The following DCAF11 variants were observed in gnomAD, a reference collection of about 807,000 sequenced individuals.
The protein encoded by DCAF11 is DDB1 and CUL4 associated factor 11, also known as DDB1- and CUL4-associated factor 11.
A neutral mutation model predicts 76.1 loss-of-function variants in DCAF11; 44 were observed. The observed-to-expected ratio is 0.58, with a 90% confidence interval of 0.45 to 0.74. The LOEUF (loss-of-function observed/expected upper bound fraction) is 0.74. Among genes scored for constraint, DCAF11 ranks in the 30% least tolerant of loss-of-function variants. The pLI, the probability that DCAF11 is intolerant of heterozygous loss-of-function variation, is 0.00. For missense variants in DCAF11, 604 were observed against 709.4 expected, an observed-to-expected ratio of 0.85 and a Z score of 1.69; for synonymous variants, 258 against 255.0, an observed-to-expected ratio of 1.01 and a Z score of -0.11.
rs201970184 is a variant in DCAF11 at position 24,115,676 on chromosome 14, C to A, written c.82C>A (p.Arg28Ser). 6.2e-7 allele frequency: 1 copy of A among 1,613,556 alleles called. No homozygotes were observed. Among genetic ancestry groups the A allele is most frequent in the Non-Finnish European group, 8.5e-7 (1 of 1,179,944 alleles). ...CTTGCCCCGAAGAGGGGCTGGCCTG[C>A]GTCGGAGTGAGGAAGAGGAAGAAGA... Reference protein sequence around the residue: ...EGLPRRGAGLRRSEEEEEEDE... With the variant: ...EGLPRRGAGLSRSEEEEEEDE... The change falls in exon 2 of 15, where the codon CGT (arginine) becomes AGT (serine). Residue 28 changes from arginine to serine, a missense_variant. By Grantham distance (110) the Arg-to-Ser change is moderately radical (BLOSUM62 -1). Transcript: ENST00000446197.
intron 2 of DCAF11, 125 bp downstream of exon 2, chr14:24,115,874 G>A: frequency 1.6e-6 from 2 of 1,262,484 alleles, no homozygotes; most frequent in South Asian, 1.6e-5. Flanking sequence ...TGTTTGAGCT[G>A]AACAGCCTTT....
At chr14:24,118,936 G>C in intron 8 of DCAF11, 132 bp downstream of exon 8, 1 of 1,190,734 alleles carries the variant, frequency 8.4e-7, no homozygotes. Context: ...ATTCCTGGGA[G>C]GGAAGCACCA....
rs775873744 is a variant in DCAF11, at chr14:24,118,730, G to A, written c.725-20G>A. ...CTTCCCCCATCCCTGAAAGATTCTTGTTTTTCTTGCTTCTCTTAGTTCATA... is the reference window on the plus strand; with the variant it reads ...CTTCCCCCATCCCTGAAAGATTCTTATTTTTCTTGCTTCTCTTAGTTCATA... On this transcript the variant is annotated intron_variant, in intron 7 of 14. Transcript: ENST00000446197. 6.2e-7 allele frequency: 1 copy of A among 1,613,692 alleles called. No homozygotes were observed.
chr14:24,122,490 CAA>C (rs552258351), intron 13 of DCAF11, among the ~76,000 whole-genome samples: 12 of 46,334 alleles, frequency 2.6e-4, no homozygotes, highest in Admixed American at 7.3e-4. Context: ...GACTCCATCT[CAA>C]AAAAAAAAAA....
Position 24,123,443 on chromosome 14 carries a change from C to T in DCAF11, c.*134C>T. The T allele has an allele frequency of 7.5e-7, 1 of 1,341,494 alleles. No homozygotes were observed. The highest frequency in any genetic ancestry group is 1.5e-5 in the African/African-American group (1 of 67,748). 83.1% of individuals were successfully genotyped at this position (1,341,494 alleles called of 1,614,324 possible). ...GAATAACATAAGCCTGGGCTCTGAG[C>T]CTCAGCTGAGCCCTGGAAGATTCTC... On this transcript the variant is annotated 3_prime_UTR_variant, in exon 15 of 15. Transcript: ENST00000446197.
In DCAF11 at chr14:24,119,455, G is replaced by T. The variant is rs541515057; in HGVS notation, c.849-104G>T. The T allele has an allele frequency of 6.9e-6, 10 of 1,449,332 alleles. No individual in the cohort carries two copies. The African/African-American group carries it at 1.3e-4, about 18-fold the overall frequency. 89.8% of individuals were successfully genotyped at this position (1,449,332 alleles called of 1,614,324 possible). A position where few individuals can be genotyped will look rare whatever the true frequency, so the allele number is the denominator to read the frequency against. ...ACTTCCTGTATAAAAAGAGCAAAGG[G>T]CTTGACCCAGAGCAGGATTTCTCAG... is the stretch of plus-strand genomic sequence containing the variant. On this transcript the variant is annotated intron_variant, in intron 9 of 14. Transcript: ENST00000446197.
At chr14:24,118,298 A>G in intron 6 of DCAF11, 90 bp from the exon 7 acceptor site, 1 of 1,592,410 alleles carries the variant, frequency 6.3e-7, no homozygotes, top group Non-Finnish European at 8.6e-7. Flanking sequence ...TAAAGGGAAG[A>G]CTCCACAGGT....
chr14:24,118,632 G>A (rs2139016025), intron 7 of DCAF11, 98 bp downstream of exon 7: 14 of 1,594,322 alleles, frequency 8.8e-6, no homozygotes, highest in Admixed American at 1.7e-5. Flanking sequence ...TTTGTCCTGG[G>A]AAAATCACTC....
rs145287754 is a variant in DCAF11, at chr14:24,118,189, C to G, written c.577+34C>G. On this transcript the variant is annotated intron_variant, in intron 6 of 14. Transcript: ENST00000446197. ...CCCTGGTCCTATAAACTATCTTTTCCTGGAACATGGGACATTCCCCCTGAC... is the reference window on the plus strand; with the variant it reads ...CCCTGGTCCTATAAACTATCTTTTCGTGGAACATGGGACATTCCCCCTGAC... The G allele has an allele frequency of 4.1e-3, 6,601 of 1,591,588 alleles. 18 individuals are homozygous for G. The highest frequency in any genetic ancestry group is 5.2e-3 in the Non-Finnish European group (6,017 of 1,160,646).
Position 24,117,066 on chromosome 14 carries a change from G to A in DCAF11, c.283+22G>A, listed in dbSNP as rs765449557. The A allele has an allele frequency of 2.5e-6, 4 of 1,614,036 alleles. No individual in the cohort carries two copies. The highest frequency in any genetic ancestry group is 2.5e-6 in the Non-Finnish European group (3 of 1,179,976). On this transcript the variant is annotated intron_variant, in intron 3 of 14. Coordinates refer to ENST00000446197, the MANE Select transcript of DCAF11 (RefSeq NM_025230.5). This position sits in a 1 kb window ranked among gnomAD's most constrained non-coding sequence, Gnocchi z 4.3. Reference sequence around the variant, plus strand: ...CCTGGTAAGAGGAAAAGCCCCTAATGTTGGAAGACTTTTACTAGAAAACCT... The same window carrying A: ...CCTGGTAAGAGGAAAAGCCCCTAATATTGGAAGACTTTTACTAGAAAACCT...
chr14:24,124,626 C>T lies in DCAF11; in HGVS notation c.*1317C>T, dbSNP rs1363229078. 6.6e-6 allele frequency: 1 copy of T among 152,258 alleles called. No homozygotes were observed. Among genetic ancestry groups the T allele is most frequent in the Non-Finnish European group, 1.5e-5 (1 of 68,082 alleles). The allele number at this position is 152,258 out of a possible 1,614,324, so 9.4% of individuals were successfully genotyped here. A position where few individuals can be genotyped will look rare whatever the true frequency, so the allele number is the denominator to read the frequency against. On this transcript the variant is annotated 3_prime_UTR_variant, in exon 15 of 15. Coordinates refer to ENST00000446197, the MANE Select transcript of DCAF11 (RefSeq NM_025230.5). ...AGGCAGTTTTAAAAGAATAAACAAG[C>T]TAGGTGTGGTGGCTCATGCCTGTAA... is the stretch of plus-strand genomic sequence containing the variant.
rs757215777 is a variant in DCAF11 at position 24,115,607 on chromosome 14, A to G, written c.13A>G (p.Asn5Asp). The G allele has an allele frequency of 5.0e-6, 8 of 1,613,082 alleles. No individual in the cohort carries two copies. The highest frequency in any genetic ancestry group is 6.8e-6 in the Non-Finnish European group (8 of 1,179,514). ...CTGTGACCAGAAGATGGGATCGCGG[A>G]ACAGCAGCAGTGCAGGATCCGGGTC... MGSR[N>D]SSSAGSGSGD... The change falls in exon 2 of 15, where the codon AAC becomes GAC. Residue 5 changes from asparagine (N) to aspartate (D), a missense_variant. Physicochemically the swap from Asn to Asp is conservative, Grantham distance 23. Transcript: ENST00000446197.
At chr14:24,119,483 G>A in intron 9 of DCAF11, 76 bp from the exon 10 acceptor site, 1 of 1,557,846 alleles carries the variant, frequency 6.4e-7, no homozygotes, top group African/African-American at 1.4e-5. Flanking sequence ...TTTCTCAGTG[G>A]AACTCTCTAG....
rs989626049 is a variant in DCAF11, at chr14:24,116,088, G to A, written c.155+339G>A. On this transcript the variant is annotated intron_variant, in intron 2 of 14. Transcript: ENST00000446197. ...CTAGTGGGAAAGGAGTGATGTAAGG[G>A]GTGAAGAGATGGGAAGGGAGTGTTG... Among the ~76,000 whole-genome samples, 2 of 151,722 alleles carry A rather than the reference G, an allele frequency of 1.3e-5. 1 individual carries two copies. The highest frequency in any genetic ancestry group is 4.2e-4 in the South Asian group (2 of 4,808).
At position 24,117,302 on chromosome 14, in the gene DCAF11, A is replaced by T; in HGVS notation, c.320A>T (p.Asn107Ile). The T allele has an allele frequency of 6.2e-7, 1 of 1,614,204 alleles. No individual in the cohort carries two copies. The highest frequency in any genetic ancestry group is 8.5e-7 in the Non-Finnish European group (1 of 1,180,032). Reference protein sequence around the residue: ...ATPDTRELEFNEIKTQVELAT... With the variant: ...ATPDTRELEFIEIKTQVELAT... ...CCTGACACCCGGGAGCTGGAATTCAATGAGATCAAGACACAAGTGGAACTG... is the reference window on the plus strand; with the variant it reads ...CCTGACACCCGGGAGCTGGAATTCATTGAGATCAAGACACAAGTGGAACTG... The change falls in exon 4 of 15, where the codon AAT (asparagine) becomes ATT (isoleucine). Residue 107 changes from asparagine to isoleucine, a missense_variant. Asn to Ile is a moderately radical substitution (Grantham distance 149). Coordinates refer to ENST00000446197, the MANE Select transcript of DCAF11 (RefSeq NM_025230.5). This position sits in a 1 kb window ranked among gnomAD's most constrained non-coding sequence, Gnocchi z 4.3.
chr14:24,119,376 C>T (rs2037646879), intron 9 of DCAF11, 163 bp downstream of exon 9: 1 of 1,194,702 alleles, frequency 8.4e-7, no homozygotes, highest in African/African-American at 1.5e-5. Flanking sequence ...TCCATTTCCC[C>T]AGCACGAGAT....
Position 24,118,403 on chromosome 14 carries a change from T to C in DCAF11, c.593T>C (p.Leu198Pro). 1.2e-6 allele frequency: 2 copies of C among 1,614,218 alleles called. No homozygotes were observed. The highest frequency in any genetic ancestry group is 1.7e-6 in the Non-Finnish European group (2 of 1,180,044). The change falls in exon 7 of 15, where the codon CTC (leucine) becomes CCC (proline). Residue 198 changes from leucine (L) to proline (P), a missense_variant. Transcript: ENST00000446197. Reference protein sequence around the residue: ...MSACQDQTIRLYDCRYGRFRK... With the variant: ...MSACQDQTIRPYDCRYGRFRK... ...ACTTACACAGACCAGACAATCCGAC[T>C]CTATGACTGCCGATATGGCCGTTTC... is the stretch of plus-strand genomic sequence containing the variant.
In DCAF11 at chr14:24,118,148, T is replaced by C; in HGVS notation, c.570T>C (p.Ala190=). The C allele has an allele frequency of 1.2e-6, 2 of 1,612,248 alleles. No individual in the cohort carries two copies. The highest frequency in any genetic ancestry group is 1.7e-6 in the Non-Finnish European group (2 of 1,179,046). The change falls in exon 6 of 15, where the codon GCT becomes GCC. Residue 190 remains alanine, a synonymous_variant. Transcript: ENST00000446197. Reference sequence around the variant, plus strand: ...AAGATGGTCAAATATTCATGTCTGCTTGCCAAGGTACCAGACCCTGGTCCT... The same window carrying C: ...AAGATGGTCAAATATTCATGTCTGCCTGCCAAGGTACCAGACCCTGGTCCT... ...YSKDGQIFMS[A]CQDQTIRLYD... is the part of the protein sequence containing the mutation.
chr14:24,116,850 A>ATT (rs2037587129), intron 2 of DCAF11, 67 bp from the exon 3 acceptor site: 16 of 1,609,192 alleles, frequency 9.9e-6, no homozygotes, highest in Non-Finnish European at 1.4e-5. Context: ...CTAGATAGCC[A>ATT]TTGACTCTGA....
Sources: gnomAD v4.1 joint callset for allele counts (sites outside exome capture counted in the v4.1 genomes callset) on GRCh38, gnomAD v4.1.1 for gene constraint, Gnocchi (gnomAD v3.1) non-coding constraint, MANE v1.5 for transcripts, NCBI Gene and HGNC (gene_info 2026-07-23, HGNC 2026-07-21) for gene names.